Variants in ZNF469 observed in about 807,000 individuals in gnomAD.
ZNF469 encodes the protein zinc finger protein 469.
Under a neutral mutation model 1.0 loss-of-function variants are expected in ZNF469, and 1 was observed. The observed-to-expected ratio is 1.00, with a 90% CI of 0.35 to 4.73. The LOEUF (loss-of-function observed/expected upper bound fraction) is 4.73. Among genes scored for constraint, ZNF469 ranks in the 30% most tolerant of loss-of-function variants. The pLI is 0.16. For missense variants in ZNF469, 6,100 were observed against 5,356.3 expected, an observed-to-expected ratio of 1.14 and a Z score of -4.33; for synonymous variants, 2,703 against 2,363.4, an observed-to-expected ratio of 1.14 and a Z score of -4.17.
chr16:88,243,156 C>G, the ZNF469 span, among the ~76,000 whole-genome samples: 3 of 152,216 alleles, frequency 2.0e-5, no homozygotes, highest in East Asian at 1.9e-4. Flanking sequence ...GTGAATTGTC[C>G]TTGGCTGGTG....
At chr16:88,273,835 C>T in the ZNF469 span, among the ~76,000 whole-genome samples, 5 of 139,236 alleles carry the variant, frequency 3.6e-5, no homozygotes, top group East Asian at 6.4e-4. Context: ...GACGGAGTCT[C>T]GCTCTGTCGC....
At position 88,424,105 on chromosome 16, in the gene ZNF469, G is replaced by A. The variant is rs1905599229; in HGVS notation, c.-191-702G>A. ...TTTGGAGCACAGGCTGTCGCCATGT[G>A]GTGACCATTGCTGTATTGTTTCTAA... On this transcript the variant is annotated intron_variant, in intron 1 of 2. Transcript: ENST00000565624. This position sits in a 1 kb window ranked among gnomAD's most constrained non-coding sequence, Gnocchi z 4.3. Among the ~76,000 whole-genome samples, 1 of 152,236 alleles carries A rather than the reference G, an allele frequency of 6.6e-6. No individual in the cohort carries two copies. The highest frequency in any genetic ancestry group is 6.5e-5 in the Admixed American group (1 of 15,288).
At chr16:88,228,188 G>T in the ZNF469 span, among the ~76,000 whole-genome samples, 1 of 152,384 alleles carries the variant, frequency 6.6e-6, no homozygotes, top group South Asian at 2.1e-4. Context: ...GGAGGACACT[G>T]TTTGGCTCAC....
At chr16:88,336,551 A>G in the ZNF469 span, among the ~76,000 whole-genome samples, 13 of 151,170 alleles carry the variant, frequency 8.6e-5, no homozygotes, top group African/African-American at 2.4e-4. Context: ...TGATGTGCCA[A>G]TACCACACAT....
chr16:88,241,548 A>G, the ZNF469 span, among the ~76,000 whole-genome samples: 1 of 152,080 alleles, frequency 6.6e-6, no homozygotes, highest in Non-Finnish European at 1.5e-5. The surrounding 1 kb of genome is among the most constrained non-coding windows in gnomAD (Gnocchi z 4.8). Flanking sequence ...ACTGAACCAG[A>G]CACAGTGGTT....
At chr16:88,326,602 A>G in the ZNF469 span, among the ~76,000 whole-genome samples, 1 of 152,030 alleles carries the variant, frequency 6.6e-6, no homozygotes, top group Non-Finnish European at 1.5e-5. Flanking sequence ...CCCAGGGACC[A>G]CCCTCCAGCC....
the ZNF469 span, among the ~76,000 whole-genome samples, chr16:88,166,663 C>T: frequency 3.3e-5 from 5 of 151,884 alleles, no homozygotes; most frequent in Non-Finnish European, 7.4e-5. This position sits in a 1 kb window ranked among gnomAD's most constrained non-coding sequence, Gnocchi z 4.5. Context: ...CATTGGAAAC[C>T]GCCCATCGAT....
At chr16:88,268,117 T>A in the ZNF469 span, among the ~76,000 whole-genome samples, 10 of 152,170 alleles carry the variant, frequency 6.6e-5, no homozygotes, top group Non-Finnish European at 1.5e-4. Context: ...TGACATGTCG[T>A]CTTTGGTGAA....
the ZNF469 span, among the ~76,000 whole-genome samples, chr16:88,330,219 G>A: frequency 3.3e-5 from 5 of 152,232 alleles, no homozygotes; most frequent in Admixed American, 1.3e-4. Context: ...CTTGCACACG[G>A]GACCTGTGGC....
At chr16:88,284,949 A>G in the ZNF469 span, among the ~76,000 whole-genome samples, 747 of 152,350 alleles carry the variant, frequency 4.9e-3, 5 homozygotes, top group African/African-American at 0.017. Context: ...TGCTGATTGC[A>G]CTGAGATGTT....
chr16:88,200,073 G>T, the ZNF469 span, among the ~76,000 whole-genome samples: 26 of 152,142 alleles, frequency 1.7e-4, no homozygotes, highest in Non-Finnish European at 3.4e-4. Context: ...GAGGGCTGGG[G>T]GTCGTGCCCC....
the ZNF469 span, among the ~76,000 whole-genome samples, chr16:88,290,277 C>T: frequency 6.6e-6 from 1 of 152,202 alleles, no homozygotes; most frequent in Non-Finnish European, 1.5e-5. Context: ...TTCCGGTGCC[C>T]TTGATCTCAA....
the ZNF469 span, among the ~76,000 whole-genome samples, chr16:88,239,656 TTTTTTTTTTTG>T: frequency 8.3e-5 from 4 of 47,922 alleles, no homozygotes; most frequent in African/African-American, 6.7e-4. Context: ...CCCGGCTTAT[TTTTTTTTTTTG>T]TATATATATA....
chr16:88,386,902 C>T (rs1003037938), intron 1 of ZNF469, among the ~76,000 whole-genome samples: 1 of 152,316 alleles, frequency 6.6e-6, no homozygotes, highest in East Asian at 1.9e-4. Context: ...TCCCCGTGCT[C>T]ATCATTTGCC....
chr16:88,428,146 G>A lies in ZNF469; in HGVS notation c.676G>A (p.Glu226Lys), dbSNP rs546141859. The change falls in exon 3 of 3, where the codon GAA becomes AAA. Residue 226 changes from glutamate to lysine, a missense_variant. By Grantham distance (56) the Glu-to-Lys change is moderately conservative (BLOSUM62 1). Transcript: ENST00000565624. ...CCCCCTCCAGCCCGGTTCCTATCCC[G>A]AATACCAGGCCAGTGGGGCCGACTC... ...TSPLQPGSYPEYQASGADSWP... is the reference protein window; with the variant it reads ...TSPLQPGSYPKYQASGADSWP... 7.1e-5 allele frequency: 110 copies of A among 1,550,128 alleles called. 2 individuals are homozygous for A. The highest frequency in any genetic ancestry group is 5.4e-4 in the South Asian group (45 of 84,058).
At chr16:88,321,838 C>T in the ZNF469 span, among the ~76,000 whole-genome samples, 4 of 152,266 alleles carry the variant, frequency 2.6e-5, no homozygotes, top group African/African-American at 9.6e-5. Flanking sequence ...GGAGCATGAT[C>T]TGCTTCACTT....
At chr16:88,380,060 T>C (rs965898071), upstream of ZNF469, among the ~76,000 whole-genome samples, 1 of 151,384 alleles carries the variant, frequency 6.6e-6, no homozygotes, top group Admixed American at 6.6e-5. Flanking sequence ...CACACACACA[T>C]ACTCACACAC....
chr16:88,195,069 C>G, the ZNF469 span: 1 of 152,374 alleles, frequency 6.6e-6, no homozygotes, highest in African/African-American at 2.4e-5. Context: ...CCTTTCAGAT[C>G]TGACGGGAAA....
the ZNF469 span, among the ~76,000 whole-genome samples, chr16:88,123,067 A>G: frequency 6.6e-6 from 1 of 152,076 alleles, no homozygotes; most frequent in African/African-American, 2.4e-5. Flanking sequence ...TTTTTGCTAA[A>G]TGATTTTAGT....
Sources: gnomAD v4.1 joint callset for allele counts (sites outside exome capture counted in the v4.1 genomes callset) on GRCh38, gnomAD v4.1.1 for gene constraint, Gnocchi (gnomAD v3.1) non-coding constraint, MANE v1.5 for transcripts, NCBI Gene and HGNC (gene_info 2026-07-23, HGNC 2026-07-21) for gene names.